The following RARB variants were observed in gnomAD, a reference collection of about 807,000 sequenced individuals.
The protein encoded by RARB is retinoic acid receptor beta.
In RARB, 17 loss-of-function variants were observed where a neutral mutation model predicts 51.9. The observed-to-expected ratio is 0.33, with a 90% CI of 0.22 to 0.49. The LOEUF (loss-of-function observed/expected upper bound fraction) is 0.49. Ranked by LOEUF, RARB falls within the 20% of genes least tolerant of loss-of-function variation. The probability of loss-of-function intolerance (pLI) is 0.99; values close to 1 mark genes in which losing one functional copy is unlikely to be tolerated. For synonymous variants in RARB, 215 were observed against 195.4 expected (o/e 1.10, Z -0.84); for missense variants, 369 against 550.8 (o/e 0.67, Z 3.30).
chr3:25,237,571 T>C (rs568348350), intron 5 of RARB, among the ~76,000 whole-genome samples: 8 of 152,120 alleles, frequency 5.3e-5, no homozygotes, highest in Non-Finnish European at 1.2e-4. Context: ...TTTCTGAAAA[T>C]AACAGCTTTA....
chr3:25,469,628 G>C (rs989063035), intron 2 of RARB, among the ~76,000 whole-genome samples: 10 of 152,166 alleles, frequency 6.6e-5, no homozygotes, highest in African/African-American at 2.4e-4. Context: ...GCCAACCATG[G>C]AGGATTTACA....
At chr3:25,039,279 C>T (rs1030835147) in intron 2 of RARB, among the ~76,000 whole-genome samples, 6 of 152,246 alleles carry the variant, frequency 3.9e-5, no homozygotes, top group East Asian at 1.9e-4. Flanking sequence ...TAGCAGAAAA[C>T]GATTGTTGTT....
intron 3 of RARB, among the ~76,000 whole-genome samples, chr3:25,524,639 T>TCCTC (rs545985602): frequency 1.1e-4 from 15 of 138,548 alleles, no homozygotes; most frequent in Admixed American, 6.5e-4. Flanking sequence ...CCTCCCTCCT[T>TCCTC]CCTCCCTCCC....
At chr3:25,439,772 G>A (rs192573076) in intron 1 of RARB, among the ~76,000 whole-genome samples, 1 of 152,310 alleles carries the variant, frequency 6.6e-6, no homozygotes, top group African/African-American at 2.4e-5. Context: ...TCTTTTGTTT[G>A]AAATCTAATT....
chr3:25,290,178 A>G (rs1703751029), intron 5 of RARB, among the ~76,000 whole-genome samples: 1 of 152,186 alleles, frequency 6.6e-6, no homozygotes, highest in Admixed American at 6.5e-5. Flanking sequence ...TTATATGTTG[A>G]AGACCTATCC....
chr3:25,033,759 A>G (rs1697925338), intron 2 of RARB, among the ~76,000 whole-genome samples: 1 of 152,130 alleles, frequency 6.6e-6, no homozygotes, highest in African/African-American at 2.4e-5. Flanking sequence ...CACACAGGGA[A>G]GGGGATTCTT....
chr3:25,026,036 T>C (rs1422966054), intron 2 of RARB, among the ~76,000 whole-genome samples: 1 of 152,106 alleles, frequency 6.6e-6, no homozygotes, highest in African/African-American at 2.4e-5. Flanking sequence ...GTGTACAAAT[T>C]AGATGAAATG....
intron 5 of RARB, among the ~76,000 whole-genome samples, chr3:25,218,336 CT>C (rs1209662298): frequency 3.9e-5 from 6 of 151,992 alleles, no homozygotes; most frequent in Non-Finnish European, 8.8e-5. Context: ...TATCCGCCCC[CT>C]AGGTTACTTT....
chr3:25,448,241 G>C (rs985151244), intron 1 of RARB, among the ~76,000 whole-genome samples: 1 of 152,040 alleles, frequency 6.6e-6, no homozygotes, highest in Non-Finnish European at 1.5e-5. Flanking sequence ...ATCAAAAAAA[G>C]ACCTGAACCT....
chr3:25,262,724 T>C (rs1703032933), intron 5 of RARB, among the ~76,000 whole-genome samples: 1 of 152,206 alleles, frequency 6.6e-6, no homozygotes, highest in African/African-American at 2.4e-5. Flanking sequence ...AGAATCTTCC[T>C]ATCTTAAGGT....
At chr3:25,221,295 ACT>A (rs1307829967) in intron 5 of RARB, among the ~76,000 whole-genome samples, 2 of 149,474 alleles carry the variant, frequency 1.3e-5, no homozygotes, top group Non-Finnish European at 1.5e-5. Context: ...AATTGAGACA[ACT>A]CTCTGTCCTT....
At chr3:25,516,631 C>CTTTTTTTTTTTTTTTT (rs559135603) in intron 3 of RARB, among the ~76,000 whole-genome samples, 2,463 of 130,646 alleles carry the variant, frequency 0.019, 72 homozygotes, top group Non-Finnish European at 0.026. Flanking sequence ...ATTTCCTTGT[C>CTTTTTTTTTTTTTTTT]TTTTTTTTTT....
At chr3:25,181,293 C>T (rs1426155733) in intron 5 of RARB, among the ~76,000 whole-genome samples, 3 of 152,136 alleles carry the variant, frequency 2.0e-5, no homozygotes, top group Non-Finnish European at 2.9e-5. Context: ...CACTGTGCAT[C>T]GTAAGTACTC....
chr3:25,567,340 G>A (rs559873807), intron 3 of RARB, among the ~76,000 whole-genome samples: 4 of 152,198 alleles, frequency 2.6e-5, no homozygotes, highest in South Asian at 2.1e-4. Flanking sequence ...TGACAGCCAC[G>A]AGTCTACTTT....
At chr3:25,024,907 C>T (rs1559438217) in intron 2 of RARB, 1 of 132,876 alleles carries the variant, frequency 7.5e-6, no homozygotes, top group Non-Finnish European at 1.5e-5. Flanking sequence ...GAGCCGAGAT[C>T]ATGCCACTGT....
intron 2 of RARB, among the ~76,000 whole-genome samples, chr3:25,050,402 TAAATCTTTACTTCTC>T (rs1698306557): frequency 6.6e-6 from 1 of 152,092 alleles, no homozygotes; most frequent in Non-Finnish European, 1.5e-5. Flanking sequence ...TACTTCTAAT[TAAATCTTTACTTCTC>T]AAAAGGCTCA....
chr3:25,048,946 G>T (rs113546979), intron 2 of RARB, among the ~76,000 whole-genome samples: 2 of 151,976 alleles, frequency 1.3e-5, no homozygotes, highest in Non-Finnish European at 2.9e-5. Context: ...TAGAGACGGG[G>T]TTTCACCGTG....
At chr3:24,997,532 T>C (rs1374819429) in intron 2 of RARB, among the ~76,000 whole-genome samples, 1 of 152,112 alleles carries the variant, frequency 6.6e-6, no homozygotes, top group Non-Finnish European at 1.5e-5. Flanking sequence ...TTTCTTATTG[T>C]TTATTTTTGC....
At chr3:24,869,679 C>G (rs1450562265) in intron 2 of RARB, among the ~76,000 whole-genome samples, 4 of 152,044 alleles carry the variant, frequency 2.6e-5, no homozygotes, top group Non-Finnish European at 4.4e-5. Flanking sequence ...CATAGCGTAG[C>G]ACATTCATTC....
Sources: gnomAD v4.1 joint callset for allele counts (sites outside exome capture counted in the v4.1 genomes callset) on GRCh38, gnomAD v4.1.1 for gene constraint, MANE v1.5 for transcripts, NCBI Gene and HGNC (gene_info 2026-07-23, HGNC 2026-07-21) for gene names.